Variants in SYT9 observed in about 807,000 individuals in gnomAD.
SYT9 encodes the protein synaptotagmin 9.
Under a neutral mutation model 48.4 loss-of-function variants are expected in SYT9, and 22 were observed. The observed-to-expected ratio is 0.45, with a 90% CI of 0.32 to 0.65. The LOEUF is 0.65. Among genes scored for constraint, SYT9 ranks in the 30% least tolerant of loss-of-function variants. SYT9 has a pLI of 0.03. For missense variants in SYT9, 577 were observed against 622.0 expected, an observed-to-expected ratio of 0.93 and a Z score of 0.77; for synonymous variants, 265 against 245.0, an observed-to-expected ratio of 1.08 and a Z score of -0.76.
chr11:7,261,767 G>A lies in SYT9; in HGVS notation c.145+9436G>A, dbSNP rs116750687. On this transcript the variant is annotated intron_variant, in intron 1 of 6. Transcript: ENST00000318881. Reference sequence around the variant, plus strand: ...AAGGTCTCAAGGCAGGAGCATGCTTGACGTGTTCAGATATTAGCCAAGGGT... The same window carrying A: ...AAGGTCTCAAGGCAGGAGCATGCTTAACGTGTTCAGATATTAGCCAAGGGT... Among the ~76,000 whole-genome samples, 641 of 152,080 alleles carry A rather than the reference G, an allele frequency of 4.2e-3. 3 individuals carry two copies. Among genetic ancestry groups the A allele is most frequent in the African/African-American group, 0.014 (587 of 41,480 alleles).
chr11:7,456,464 CCCCATGTCAGGCAAATGAGAGCTAGAGGA>C (rs1456954558), intron 6 of SYT9, among the ~76,000 whole-genome samples: 1 of 152,234 alleles, frequency 6.6e-6, no homozygotes, highest in African/African-American at 2.4e-5. Context: ...CCAGTGTCTT[CCCCATGTCAGGCAAATGAGAGCTAGAGGA>C]CCTTGGGATC....
Position 7,438,524 on chromosome 11 carries a change from C to A in SYT9, c.1467+17889C>A, listed in dbSNP as rs117191473. 141 of 152,964 alleles carry A rather than the reference C, an allele frequency of 9.2e-4. 2 individuals are homozygous for A. In the East Asian group the frequency reaches 0.016, roughly 17 times the overall value. 9.5% of individuals were successfully genotyped at this position (152,964 alleles called of 1,614,324 possible). Reference sequence around the variant, plus strand: ...CCCAACTACCAGAACTTTGGCCCACCCATCTGCCTCCTCTCTCCCAGGTCT... The same window carrying A: ...CCCAACTACCAGAACTTTGGCCCACACATCTGCCTCCTCTCTCCCAGGTCT... On this transcript the variant is annotated intron_variant, in intron 6 of 6. Transcript: ENST00000318881.
chr11:7,437,887 A>G (rs958974013), intron 6 of SYT9: 38 of 152,382 alleles, frequency 2.5e-4, no homozygotes, highest in African/African-American at 8.7e-4. Flanking sequence ...GTGCAAAGCC[A>G]CAGAAGGAAG....
intron 6 of SYT9, among the ~76,000 whole-genome samples, chr11:7,426,869 T>G (rs1355510069): frequency 6.6e-6 from 1 of 152,176 alleles, no homozygotes; most frequent in Admixed American, 6.6e-5. Flanking sequence ...GATCCCCTTT[T>G]TCTCAATAAG....
At chr11:7,251,841 A>T (rs1186325935), upstream of SYT9, 2 of 202,196 alleles carry the variant, frequency 9.9e-6, no homozygotes, top group Non-Finnish European at 2.0e-5. Flanking sequence ...TGCGGCGCGC[A>T]CTCCTGACCT....
At chr11:7,273,451 A>T (rs1272207082) in intron 1 of SYT9, among the ~76,000 whole-genome samples, 1 of 152,156 alleles carries the variant, frequency 6.6e-6, no homozygotes, top group Non-Finnish European at 1.5e-5. Context: ...AAGAGAGCAA[A>T]GTTTAAGAAG....
intron 3 of SYT9, among the ~76,000 whole-genome samples, chr11:7,344,929 TACACAC>T (rs60652691): frequency 0.016 from 2,405 of 148,974 alleles, 21 homozygotes; most frequent in African/African-American, 0.023. Flanking sequence ...CTCATTATTT[TACACAC>T]ACACACACAC....
intron 1 of SYT9, among the ~76,000 whole-genome samples, chr11:7,299,606 G>A (rs902321105): frequency 1.3e-5 from 2 of 152,138 alleles, no homozygotes; most frequent in African/African-American, 4.8e-5. Flanking sequence ...GCCACAACCC[G>A]CACAACCATA....
At chr11:7,338,476 T>G (rs1045497978) in intron 3 of SYT9, among the ~76,000 whole-genome samples, 3 of 152,194 alleles carry the variant, frequency 2.0e-5, no homozygotes, top group African/African-American at 7.2e-5. Flanking sequence ...CTTTTTGATG[T>G]GTGTGTTTAG....
intron 3 of SYT9, among the ~76,000 whole-genome samples, chr11:7,375,383 T>C (rs1850434565): frequency 6.6e-6 from 1 of 152,156 alleles, no homozygotes; most frequent in African/African-American, 2.4e-5. Context: ...TTGTTTAGGA[T>C]TGTCTTGGCT....
At chr11:7,401,586 A>G (rs182160154) in intron 3 of SYT9, among the ~76,000 whole-genome samples, 189 of 151,712 alleles carry the variant, frequency 1.2e-3, no homozygotes, top group Middle Eastern at 3.4e-3. Context: ...TACTCAAGCT[A>G]TCTATTTTTT....
chr11:7,329,147 C>G (rs1249883651), intron 3 of SYT9, among the ~76,000 whole-genome samples: 1 of 152,188 alleles, frequency 6.6e-6, no homozygotes, highest in Non-Finnish European at 1.5e-5. Flanking sequence ...CTGATGCTTT[C>G]TATCTTTTCC....
intron 2 of SYT9, 71 bp downstream of exon 2, chr11:7,303,461 CT>C: frequency 7.6e-7 from 1 of 1,317,730 alleles, no homozygotes; most frequent in Non-Finnish European, 1.0e-6. Context: ...AACAATAGCA[CT>C]GATAGGTCAA....
intron 1 of SYT9, among the ~76,000 whole-genome samples, chr11:7,285,045 T>A (rs958841649): frequency 4.6e-5 from 7 of 152,188 alleles, no homozygotes; most frequent in African/African-American, 1.7e-4. Context: ...AAACTCAGCA[T>A]GAGTTTACCT....
chr11:7,409,688 T>C (rs1325208334), intron 3 of SYT9, among the ~76,000 whole-genome samples: 1 of 152,194 alleles, frequency 6.6e-6, no homozygotes, highest in Admixed American at 6.5e-5. Flanking sequence ...TGATGATCTT[T>C]TGTATTTCTG....
At chr11:7,375,232 T>A (rs1850431322) in intron 3 of SYT9, among the ~76,000 whole-genome samples, 1 of 152,160 alleles carries the variant, frequency 6.6e-6, no homozygotes, top group African/African-American at 2.4e-5. Context: ...TGGTTGTAGA[T>A]GTGTGGTGTT....
intron 6 of SYT9, among the ~76,000 whole-genome samples, chr11:7,422,220 CAGGGGAACCA>C (rs754246184): frequency 1.1e-4 from 16 of 152,282 alleles, no homozygotes; most frequent in Non-Finnish European, 2.1e-4. Flanking sequence ...CAAACCCAGA[CAGGGGAACCA>C]AGGGACATCT....
At chr11:7,439,578 G>T (rs1314775345) in intron 6 of SYT9, 1 of 152,388 alleles carries the variant, frequency 6.6e-6, no homozygotes, top group South Asian at 2.1e-4. Context: ...AAGGTAGGAG[G>T]TGAAGACATG....
intron 3 of SYT9, among the ~76,000 whole-genome samples, chr11:7,397,847 A>G (rs1455787469): frequency 2.0e-5 from 3 of 152,110 alleles, no homozygotes; most frequent in African/African-American, 7.2e-5. Flanking sequence ...GGCTTTGTTG[A>G]CTTTGCTAAA....
Sources: allele counts gnomAD v4.1 joint callset (sites outside exome capture counted in the v4.1 genomes callset), GRCh38; gene constraint gnomAD v4.1.1; transcripts MANE v1.5; gene names NCBI Gene and HGNC (gene_info 2026-07-23, HGNC 2026-07-21).